DNMT3B: variants seen among roughly 807,000 people sequenced by gnomAD.
DNMT3B encodes the protein DNA methyltransferase 3 beta.
A neutral mutation model predicts 120.2 loss-of-function variants in DNMT3B; 37 were observed. That is an observed-to-expected ratio of 0.31 (90% CI 0.24 to 0.40). The LOEUF (loss-of-function observed/expected upper bound fraction) is 0.40. DNMT3B is among the 10% of genes least tolerant of loss of function. The probability of loss-of-function intolerance (pLI) is 1.00; values close to 1 mark genes in which losing one functional copy is unlikely to be tolerated. For missense variants in DNMT3B, 878 were observed against 1,137.3 expected (o/e 0.77, Z 3.28); for synonymous variants, 412 against 442.8 (o/e 0.93, Z 0.87).
intron 1 of DNMT3B, among the ~76,000 whole-genome samples, chr20:32,778,438 C>G (rs574903781): frequency 4.6e-5 from 7 of 152,292 alleles, no homozygotes; most frequent in African/African-American, 1.7e-4. Context: ...CCAGCTCCCA[C>G]TTCCAACAGT....
At chr20:32,774,567 G>A (rs1987965467) in intron 1 of DNMT3B, among the ~76,000 whole-genome samples, 1 of 146,134 alleles carries the variant, frequency 6.8e-6, no homozygotes, top group Non-Finnish European at 1.5e-5. Flanking sequence ...TGTTGCATGG[G>A]TTTATTACTT....
chr20:32,802,757 T>C (rs1981508866), intron 20 of DNMT3B, among the ~76,000 whole-genome samples: 1 of 152,200 alleles, frequency 6.6e-6, no homozygotes, highest in African/African-American at 2.4e-5. Context: ...CCCAGCACTT[T>C]GGGAGGCCGA....
chr20:32,806,069 C>T, intron 21 of DNMT3B, 140 bp from the exon 22 acceptor site: 1 of 816,968 alleles, frequency 1.2e-6, no homozygotes, highest in Non-Finnish European at 2.1e-6. Flanking sequence ...CCATCTTTCC[C>T]AGGTACTTTT....
chr20:32,801,360 C>T lies in DNMT3B; in HGVS notation c.2079C>T (p.Phe693=), dbSNP rs1357118951. 2 of 1,614,154 alleles carry T rather than the reference C, an allele frequency of 1.2e-6. No homozygotes were observed. Among genetic ancestry groups the T allele is most frequent in the Non-Finnish European group, 1.7e-6 (2 of 1,180,050 alleles). The change falls in exon 19 of 23, where the codon TTC becomes TTT. Residue 693 remains phenylalanine (F), a synonymous_variant. Coordinates refer to ENST00000328111, the MANE Select transcript of DNMT3B (RefSeq NM_006892.4). ...AGGAGGGTGATGACCGGCCGTTCTT[C>T]TGGATGTTTGAGAATGTTGTAGCCA... ...RPKEGDDRPF[F]WMFENVVAMK... is the part of the protein sequence containing the mutation.
intron 4 of DNMT3B, among the ~76,000 whole-genome samples, chr20:32,785,260 G>A (rs540700651): frequency 3.3e-5 from 5 of 152,204 alleles, no homozygotes; most frequent in Admixed American, 2.6e-4. Context: ...GGCTGGTCTC[G>A]AACTCTTGAC....
intron 1 of DNMT3B, among the ~76,000 whole-genome samples, chr20:32,767,169 T>C (rs570071586): frequency 6.6e-6 from 1 of 152,202 alleles, no homozygotes; most frequent in Non-Finnish European, 1.5e-5. Flanking sequence ...GTGCTGGGAT[T>C]ATAGGCGTGA....
chr20:32,796,770 C>T lies in DNMT3B; in HGVS notation c.1298-20C>T, dbSNP rs1417435667. Reference sequence around the variant, plus strand: ...TCAGGGCCTCAACTGCCAAAAGCCACAACCCTGTTTTTCTTACAGATGGCT... The same window carrying T: ...TCAGGGCCTCAACTGCCAAAAGCCATAACCCTGTTTTTCTTACAGATGGCT... On this transcript the variant is annotated intron_variant, in intron 12 of 22. Transcript: ENST00000328111. 14 of 1,614,088 alleles carry T rather than the reference C, an allele frequency of 8.7e-6. No individual in the cohort carries two copies. The African/African-American group carries it at 1.1e-4, about 12-fold the overall frequency.
chr20:32,782,207 A>G (rs1407788185), intron 3 of DNMT3B, among the ~76,000 whole-genome samples: 1 of 152,210 alleles, frequency 6.6e-6, no homozygotes, highest in South Asian at 2.1e-4. Context: ...GAAAGGCATT[A>G]AATTTGTAGG....
At chr20:32,772,424 A>C (rs1328936470) in intron 1 of DNMT3B, among the ~76,000 whole-genome samples, 1 of 152,168 alleles carries the variant, frequency 6.6e-6, no homozygotes, top group Non-Finnish European at 1.5e-5. Flanking sequence ...GGGAGGGGCC[A>C]AGGTTGAGGG....
At chr20:32,798,979 C>G (rs751588683) in intron 15 of DNMT3B, among the ~76,000 whole-genome samples, 11 of 152,230 alleles carry the variant, frequency 7.2e-5, no homozygotes, top group Non-Finnish European at 4.4e-5. Flanking sequence ...CTAGGTCATT[C>G]CTGTCTGGGG....
chr20:32,806,809 CCT>C (rs1321717502), intron 22 of DNMT3B, among the ~76,000 whole-genome samples: 1 of 139,150 alleles, frequency 7.2e-6, no homozygotes, highest in Admixed American at 7.4e-5. Context: ...TTCTTTCACT[CCT>C]CTATTGTTTG....
At chr20:32,762,903 A>G (rs1828049849) in intron 1 of DNMT3B, among the ~76,000 whole-genome samples, 2 of 151,772 alleles carry the variant, frequency 1.3e-5, no homozygotes, top group African/African-American at 4.8e-5. Flanking sequence ...TGGAACGGGG[A>G]CAGCGGGTGG....
Position 32,807,845 on chromosome 20 carries a change from G to A in DNMT3B, c.2504G>A (p.Ser835Asn). The A allele has an allele frequency of 6.2e-7, 1 of 1,614,222 alleles. No homozygotes were observed. ...ARQKLLGRSW[S>N]VPVIRHLFAP... ...CAGAAGCTGCTGGGAAGGTCCTGGA[G>A]CGTGCCTGTCATCCGACACCTCTTC... is the stretch of plus-strand genomic sequence containing the variant. The change falls in exon 23 of 23, where the codon AGC becomes AAC. Residue 835 changes from serine to asparagine, a missense_variant. Around this residue, in one of 4 missense-constraint regions of DNMT3B, gnomAD observed 334 missense variants for 518.8 expected, o/e 0.64. Coordinates refer to ENST00000328111, the MANE Select transcript of DNMT3B (RefSeq NM_006892.4).
At chr20:32,768,953 C>T (rs150840698) in intron 1 of DNMT3B, among the ~76,000 whole-genome samples, 195 of 152,304 alleles carry the variant, frequency 1.3e-3, no homozygotes, top group Non-Finnish European at 1.7e-3. Context: ...CCTGTGTCCT[C>T]ATGTTGCCCT....
chr20:32,776,103 T>C (rs1988057130), intron 1 of DNMT3B, among the ~76,000 whole-genome samples: 2 of 151,932 alleles, frequency 1.3e-5, no homozygotes, highest in South Asian at 4.2e-4. Flanking sequence ...GTGGTGCAAG[T>C]CTGTAATCCC....
rs1016095409 is a variant in DNMT3B at position 32,766,663 on chromosome 20, C to G, written c.-7+3964C>G. 4.0e-5 allele frequency among the ~76,000 whole-genome samples: 6 copies of G among 151,358 alleles called. No homozygotes were observed. In the East Asian group the frequency reaches 1.2e-3, roughly 30 times the overall value. On this transcript the variant is annotated intron_variant, in intron 1 of 22. Coordinates refer to ENST00000328111, the MANE Select transcript of DNMT3B (RefSeq NM_006892.4). Reference sequence around the variant, plus strand: ...GTTGGAGCGCAGTGGCGGTTGCTCACTGCAACCTCTGCCTCCCAGGTTCAA... The same window carrying G: ...GTTGGAGCGCAGTGGCGGTTGCTCAGTGCAACCTCTGCCTCCCAGGTTCAA...
intron 7 of DNMT3B, among the ~76,000 whole-genome samples, chr20:32,790,117 A>G (rs1201650694): frequency 6.6e-6 from 1 of 152,188 alleles, no homozygotes; most frequent in Non-Finnish European, 1.5e-5. Flanking sequence ...CCATGGGGCC[A>G]TTTGCCATGA....
rs192838155 is a variant in DNMT3B at position 32,773,236 on chromosome 20, A to G, written c.-6-7082A>G. On this transcript the variant is annotated intron_variant, in intron 1 of 22. Coordinates refer to ENST00000328111, the MANE Select transcript of DNMT3B (RefSeq NM_006892.4). ...ATTCTCCTGCCTCAGCCTCCTGAGT[A>G]GCTGGGACTATAGGTGTGTGCCACC... Among the ~76,000 whole-genome samples the G allele has an allele frequency of 3.2e-3, 485 of 152,022 alleles. 1 individual carries two copies. The highest frequency in any genetic ancestry group is 4.0e-3 in the Non-Finnish European group (275 of 67,994).
intron 3 of DNMT3B, among the ~76,000 whole-genome samples, chr20:32,782,733 A>G (rs1268591502): frequency 3.5e-5 from 4 of 114,122 alleles, no homozygotes; most frequent in African/African-American, 1.4e-4. Context: ...AGATATAGAC[A>G]AAAACAGAGC....
Sources: gnomAD v4.1 joint callset for allele counts (sites outside exome capture counted in the v4.1 genomes callset) on GRCh38, gnomAD v4.1.1 for gene constraint, gnomAD v4.1.1 regional missense constraint, MANE v1.5 for transcripts, NCBI Gene and HGNC (gene_info 2026-07-23, HGNC 2026-07-21) for gene names.